The following CRADD variants were observed in gnomAD, a reference collection of about 807,000 sequenced individuals.
CRADD encodes the protein CARD and death domain containing adaptor protein.
Under a neutral mutation model 15.5 loss-of-function variants are expected in CRADD, and 9 were observed. That is an observed-to-expected ratio of 0.58 (90% CI 0.35 to 1.01). The LOEUF (loss-of-function observed/expected upper bound fraction) is 1.01, where lower values mean the gene tolerates loss of function less well. Among genes scored for constraint, CRADD ranks in the 50% least tolerant of loss-of-function variants. The pLI is 0.02. For synonymous variants in CRADD, 118 were observed against 107.6 expected (o/e 1.10, Z -0.60); for missense variants, 227 against 250.3 (o/e 0.91, Z 0.63).
intron 2 of CRADD, among the ~76,000 whole-genome samples, chr12:93,695,083 A>G (rs1242950578): frequency 6.6e-6 from 1 of 152,256 alleles, no homozygotes; most frequent in African/African-American, 2.4e-5. Context: ...ACAAAGCTAT[A>G]CTAGTCAGAA....
At chr12:93,887,046 G>A (rs555927551) in intron 2 of CRADD, among the ~76,000 whole-genome samples, 5 of 152,326 alleles carry the variant, frequency 3.3e-5, no homozygotes, top group East Asian at 1.9e-4. Context: ...AAACAGTAGC[G>A]TGAAGACTTG....
intron 2 of CRADD, chr12:93,733,737 C>G (rs1714880297): frequency 6.6e-6 from 1 of 150,618 alleles, no homozygotes; most frequent in Admixed American, 6.6e-5. Flanking sequence ...TTCATCCATC[C>G]TTTGTTTTTT....
chr12:93,705,497 G>A (rs1955927427), intron 2 of CRADD, among the ~76,000 whole-genome samples: 1 of 152,182 alleles, frequency 6.6e-6, no homozygotes. Flanking sequence ...CGGAAGAGAT[G>A]CATTGGAAAT....
intron 2 of CRADD, among the ~76,000 whole-genome samples, chr12:93,832,740 T>C (rs974586558): frequency 6.6e-6 from 1 of 152,208 alleles, no homozygotes. Flanking sequence ...ATTACGTGAT[T>C]AAGGAGTTCA....
chr12:93,722,343 T>A (rs779838701), intron 2 of CRADD, among the ~76,000 whole-genome samples: 11 of 152,174 alleles, frequency 7.2e-5, no homozygotes, highest in Non-Finnish European at 1.5e-4. Flanking sequence ...TTATGCTGCT[T>A]GGTATTCTCT....
At chr12:93,760,880 G>A (rs1011367163) in intron 2 of CRADD, among the ~76,000 whole-genome samples, 1 of 151,976 alleles carries the variant, frequency 6.6e-6, no homozygotes, top group African/African-American at 2.4e-5. Context: ...TTGGAAGGGT[G>A]CCCCAGAAGA....
intron 2 of CRADD, among the ~76,000 whole-genome samples, chr12:93,770,500 A>G (rs1260437005): frequency 6.6e-6 from 1 of 152,218 alleles, no homozygotes; most frequent in African/African-American, 2.4e-5. Context: ...GTTAGGGTTA[A>G]GTTTCATTTT....
chr12:93,782,093 C>G (rs12318402), intron 2 of CRADD, among the ~76,000 whole-genome samples: 4,359 of 151,942 alleles, frequency 0.029, 198 homozygotes, highest in African/African-American at 0.099. Flanking sequence ...GGAACCAACC[C>G]AAATATCCAA....
chr12:93,843,302 G>T (rs1349937835), intron 2 of CRADD, among the ~76,000 whole-genome samples: 1 of 151,902 alleles, frequency 6.6e-6, no homozygotes, highest in Non-Finnish European at 1.5e-5. Context: ...GTCATTTGGG[G>T]TCCCCTTGTT....
At chr12:93,843,372 T>C (rs1305402124) in intron 2 of CRADD, among the ~76,000 whole-genome samples, 2 of 151,316 alleles carry the variant, frequency 1.3e-5, no homozygotes, top group Non-Finnish European at 2.9e-5. Context: ...TTTTCTTTTT[T>C]GTCTTTTTAT....
intron 2 of CRADD, among the ~76,000 whole-genome samples, chr12:93,791,290 G>A (rs1957346422): frequency 6.6e-6 from 1 of 151,900 alleles, no homozygotes. Flanking sequence ...AATGGATGAA[G>A]GGATAAAGAA....
At chr12:93,888,998 G>C (rs778857404) in intron 2 of CRADD, among the ~76,000 whole-genome samples, 2 of 152,126 alleles carry the variant, frequency 1.3e-5, no homozygotes, top group Non-Finnish European at 2.9e-5. Flanking sequence ...TACAGCCAAG[G>C]GGAGCTGTTC....
chr12:93,718,784 C>T (rs1448329664), intron 2 of CRADD, among the ~76,000 whole-genome samples: 1 of 150,362 alleles, frequency 6.7e-6, no homozygotes, highest in Non-Finnish European at 1.5e-5. Flanking sequence ...TTTTGAGACA[C>T]GGTCTGGCTC....
At chr12:93,700,849 T>C (rs1955829249) in intron 2 of CRADD, among the ~76,000 whole-genome samples, 2 of 152,192 alleles carry the variant, frequency 1.3e-5, no homozygotes, top group Admixed American at 6.5e-5. Context: ...TTAACTCCAG[T>C]TCCTCCTTTG....
chr12:93,851,150 A>G (rs895634747), downstream of CRADD, among the ~76,000 whole-genome samples: 11 of 152,152 alleles, frequency 7.2e-5, no homozygotes, highest in African/African-American at 2.7e-4. Flanking sequence ...TCAATAGCAC[A>G]TGGTGTTTAT....
At chr12:93,718,783 A>G (rs907581373) in intron 2 of CRADD, among the ~76,000 whole-genome samples, 3 of 150,140 alleles carry the variant, frequency 2.0e-5, no homozygotes, top group African/African-American at 7.4e-5. Flanking sequence ...TTTTTGAGAC[A>G]CGGTCTGGCT....
Position 93,726,105 on chromosome 12 carries a change from T to G in CRADD, c.298+47033T>G, listed in dbSNP as rs534600189. On this transcript the variant is annotated intron_variant, in intron 2 of 2. Coordinates refer to ENST00000332896, the MANE Select transcript of CRADD (RefSeq NM_003805.5). ...GAGTAAATAGTTTAGTTTTTTTTTTTTTTTTTTTTTTTTCTTGAGATGGAG... is the reference window on the plus strand; with the variant it reads ...GAGTAAATAGTTTAGTTTTTTTTTTGTTTTTTTTTTTTTCTTGAGATGGAG... Among the ~76,000 whole-genome samples, 105 of 142,900 alleles carry G rather than the reference T, an allele frequency of 7.3e-4. 1 individual carries two copies. The highest frequency in any genetic ancestry group is 2.4e-3 in the African/African-American group (86 of 35,454). 93.7% of individuals were successfully genotyped at this position (142,900 alleles called of 152,430 possible).
chr12:93,892,384 G>T (rs1484771060), intron 2 of CRADD, among the ~76,000 whole-genome samples: 1 of 152,168 alleles, frequency 6.6e-6, no homozygotes, highest in East Asian at 1.9e-4. Flanking sequence ...ACCACAGGCA[G>T]TGCCCCCACT....
At chr12:93,721,609 ACAATACAGTATAACAAC>A (rs1956265964) in intron 2 of CRADD, among the ~76,000 whole-genome samples, 1 of 152,216 alleles carries the variant, frequency 6.6e-6, no homozygotes, top group Non-Finnish European at 1.5e-5. Flanking sequence ...TATTTTCTAA[ACAATACAGTATAACAAC>A]TATTTGCATA....
Sources: gnomAD v4.1 joint callset for allele counts (sites outside exome capture counted in the v4.1 genomes callset) on GRCh38, gnomAD v4.1.1 for gene constraint, MANE v1.5 for transcripts, NCBI Gene and HGNC (gene_info 2026-07-23, HGNC 2026-07-21) for gene names.